IL1RAPL2: variants seen among roughly 807,000 people sequenced by gnomAD.
The protein encoded by IL1RAPL2 is X-linked interleukin-1 receptor accessory protein-like 2.
IL1RAPL2 carries 3 observed loss-of-function variants against 44.1 expected under a neutral mutation model. That is an observed-to-expected ratio of 0.07 (90% CI 0.03 to 0.18). IL1RAPL2 has a LOEUF of 0.18. Among genes scored for constraint, IL1RAPL2 ranks in the 10% least tolerant of loss-of-function variants. IL1RAPL2 has a pLI of 1.00. For synonymous variants in IL1RAPL2, 181 were observed against 178.8 expected, an observed-to-expected ratio of 1.01 and a Z score of -0.10; for missense variants, 391 against 496.4, an observed-to-expected ratio of 0.79 and a Z score of 2.02.
At chrX:105,645,719 A>C in intron 6 of IL1RAPL2, among the ~76,000 whole-genome samples, 1 of 111,913 alleles carries the variant, frequency 8.9e-6, no homozygotes, top group Non-Finnish European at 1.9e-5. Flanking sequence ...TATCTCAGGT[A>C]AAGTGCTTTT....
At position 104,885,629 on chromosome X, in the gene IL1RAPL2, T is replaced by C. The variant is rs746036491; in HGVS notation, c.82+226634T>C. Among the ~76,000 whole-genome samples the C allele has an allele frequency of 6.3e-5, 7 of 111,787 alleles. No homozygotes were observed. The South Asian group carries it at 2.7e-3, about 42-fold the overall frequency. On this transcript the variant is annotated intron_variant, in intron 2 of 10. Coordinates refer to ENST00000372582, the MANE Select transcript of IL1RAPL2 (RefSeq NM_017416.2). ...TAAACCTGGCAACCTCGGTGTTCTA[T>C]AATAGGGACCAAGAGGAACAGGCCC... is the stretch of plus-strand genomic sequence containing the variant.
intron 1 of IL1RAPL2, among the ~76,000 whole-genome samples, chrX:104,606,636 A>G (rs1929018211): frequency 9.0e-6 from 1 of 111,183 alleles, no homozygotes; most frequent in South Asian, 3.8e-4. Flanking sequence ...GGATACAAAA[A>G]TCACAAGTAT....
chrX:105,704,651 A>G (rs1047399918), intron 6 of IL1RAPL2, among the ~76,000 whole-genome samples: 1 of 111,257 alleles, frequency 9.0e-6, no homozygotes, highest in East Asian at 2.8e-4. Context: ...TCTGGGGTAC[A>G]TGTGCTGGAT....
chrX:105,140,897 G>A (rs971186513), intron 2 of IL1RAPL2, among the ~76,000 whole-genome samples: 3 of 110,869 alleles, frequency 2.7e-5, no homozygotes, highest in African/African-American at 6.6e-5. Context: ...GAAATCATGG[G>A]GCCCAAACAG....
chrX:105,584,638 A>G (rs1403983881), intron 6 of IL1RAPL2, among the ~76,000 whole-genome samples: 1 of 110,954 alleles, frequency 9.0e-6, no homozygotes, highest in East Asian at 2.8e-4. Context: ...AATTTATGCA[A>G]ATATTTACCA....
At chrX:104,825,206 G>A (rs903122552) in intron 2 of IL1RAPL2, among the ~76,000 whole-genome samples, 1 of 111,548 alleles carries the variant, frequency 9.0e-6, no homozygotes, top group Non-Finnish European at 1.9e-5. Context: ...GATGCTAAAG[G>A]GTTGTTCTGG....
At chrX:105,163,234 A>G (rs952895567) in intron 2 of IL1RAPL2, among the ~76,000 whole-genome samples, 2 of 111,932 alleles carry the variant, frequency 1.8e-5, no homozygotes, top group Non-Finnish European at 1.9e-5. Flanking sequence ...GGCCCTTTAC[A>G]GAAAAAGTTT....
In IL1RAPL2 at chrX:105,316,551, G is replaced by T. The variant is rs899034275; in HGVS notation, c.697+49010G>T. Among the ~76,000 whole-genome samples, 8 of 111,316 alleles carry T rather than the reference G, an allele frequency of 7.2e-5. No individual in the cohort carries two copies. In the Admixed American group the frequency reaches 7.6e-4, roughly 11 times the overall value. ...ATGTGTAGGCTTTCCATCTTAAGGA[G>T]AAAAAAAATTGGATACCATCTGGTA... On this transcript the variant is annotated intron_variant, in intron 5 of 10. Transcript: ENST00000372582.
chrX:104,824,515 C>T (rs1207622258), intron 2 of IL1RAPL2, among the ~76,000 whole-genome samples: 1 of 111,619 alleles, frequency 9.0e-6, no homozygotes, highest in Non-Finnish European at 1.9e-5. Flanking sequence ...TTAGTCTGGT[C>T]CTGGGCTTTT....
At chrX:105,152,985 G>A (rs995729207) in intron 2 of IL1RAPL2, among the ~76,000 whole-genome samples, 5 of 112,272 alleles carry the variant, frequency 4.5e-5, no homozygotes, top group Admixed American at 9.4e-5. Flanking sequence ...TCTGTTATGG[G>A]TGCACAATCA....
At chrX:104,935,897 T>C (rs937974824) in intron 2 of IL1RAPL2, among the ~76,000 whole-genome samples, 8 of 111,366 alleles carry the variant, frequency 7.2e-5, no homozygotes, top group African/African-American at 2.6e-4. Flanking sequence ...TTAGGTGTCC[T>C]TGGCTCTGTT....
intron 2 of IL1RAPL2, among the ~76,000 whole-genome samples, chrX:104,814,562 A>G (rs1921086132): frequency 8.9e-6 from 1 of 111,958 alleles, no homozygotes; most frequent in African/African-American, 3.2e-5. Context: ...CTTATTGTAC[A>G]AAGCAATCTA....
At position 104,756,692 on chromosome X, in the gene IL1RAPL2, A is replaced by G. The variant is rs377664679; in HGVS notation, c.82+97697A>G. Among the ~76,000 whole-genome samples, 53 of 110,620 alleles carry G rather than the reference A, an allele frequency of 4.8e-4. 3 individuals carry two copies. The East Asian group carries it at 4.8e-3, about 10-fold the overall frequency. On this transcript the variant is annotated intron_variant, in intron 2 of 10. Transcript: ENST00000372582. Reference sequence around the variant, plus strand: ...TATGTAGAATATATAAAACCTGTACAGAGTGGGAATGATCAAAAGAAAAAA... The same window carrying G: ...TATGTAGAATATATAAAACCTGTACGGAGTGGGAATGATCAAAAGAAAAAA...
chrX:104,638,527 G>T (rs1310872824), intron 1 of IL1RAPL2, among the ~76,000 whole-genome samples: 1 of 111,682 alleles, frequency 9.0e-6, no homozygotes, highest in African/African-American at 3.2e-5. Context: ...TACATTTGCT[G>T]TATCCCACAA....
At chrX:105,275,078 G>A (rs1462842020) in intron 5 of IL1RAPL2, among the ~76,000 whole-genome samples, 1 of 110,607 alleles carries the variant, frequency 9.0e-6, no homozygotes, top group Non-Finnish European at 1.9e-5. Flanking sequence ...GGCTGTGGTG[G>A]TGTGCACCTG....
At chrX:104,893,195 A>G (rs1278145746) in intron 2 of IL1RAPL2, among the ~76,000 whole-genome samples, 1 of 111,532 alleles carries the variant, frequency 9.0e-6, no homozygotes, top group African/African-American at 3.3e-5. Flanking sequence ...TTTGCTGAGG[A>G]GTGCTTTAGT....
intron 2 of IL1RAPL2, among the ~76,000 whole-genome samples, chrX:104,761,954 CTT>C (rs1338337114): frequency 1.1e-5 from 1 of 94,288 alleles, no homozygotes; most frequent in African/African-American, 4.3e-5. Flanking sequence ...TCTTCTTCTT[CTT>C]CTTCTTCTTC....
intron 2 of IL1RAPL2, among the ~76,000 whole-genome samples, chrX:105,006,770 A>C (rs1017313325): frequency 3.6e-5 from 4 of 111,368 alleles, no homozygotes; most frequent in Non-Finnish European, 7.6e-5. Context: ...AGATTGTGTC[A>C]CTGTTGGGTT....
At chrX:104,632,918 C>T (rs1354146534) in intron 1 of IL1RAPL2, among the ~76,000 whole-genome samples, 1 of 111,173 alleles carries the variant, frequency 9.0e-6, no homozygotes, top group Non-Finnish European at 1.9e-5. Flanking sequence ...TGTCTTGTGC[C>T]CGTTTTCAAA....
Sources: gnomAD v4.1 joint callset for allele counts (sites outside exome capture counted in the v4.1 genomes callset) on GRCh38, gnomAD v4.1.1 for gene constraint, MANE v1.5 for transcripts, NCBI Gene and HGNC (gene_info 2026-07-23, HGNC 2026-07-21) for gene names.